SOX5: variants seen among roughly 807,000 people sequenced by gnomAD.
SOX5 encodes transcription factor SOX-5.
In SOX5, 9 loss-of-function variants were observed where a neutral mutation model predicts 92.0. The observed-to-expected ratio is 0.10, with a 90% CI of 0.06 to 0.17. The LOEUF is 0.17. Ranked by LOEUF, SOX5 falls within the 10% of genes least tolerant of loss-of-function variation. The pLI, the probability that SOX5 is intolerant of heterozygous loss-of-function variation, is 1.00. For missense variants in SOX5, 642 were observed against 944.5 expected (o/e 0.68, Z 4.20); for synonymous variants, 344 against 336.3 (o/e 1.02, Z -0.25).
chr12:23,950,850 CAGAG>C (rs756116833), upstream of SOX5: 1 of 1,534,404 alleles, frequency 6.5e-7, no homozygotes. Context: ...CACATACACA[CAGAG>C]AGAGAGACAC....
intron 14 of SOX5, among the ~76,000 whole-genome samples, chr12:23,535,585 C>CTATT (rs1160954221): frequency 3.9e-5 from 6 of 152,194 alleles, no homozygotes; most frequent in African/African-American, 1.2e-4. Flanking sequence ...CGTATGTTTA[C>CTATT]TATTTGCCCA....
chr12:24,560,087 C>T (rs1954183460), intron 1 of SOX5, among the ~76,000 whole-genome samples: 1 of 152,022 alleles, frequency 6.6e-6, no homozygotes, highest in Admixed American at 6.6e-5. Flanking sequence ...CTCAAAAAGG[C>T]TACAAAATGA....
intron 1 of SOX5, among the ~76,000 whole-genome samples, chr12:24,464,200 G>T (rs372866859): frequency 6.6e-6 from 1 of 152,098 alleles, no homozygotes; most frequent in African/African-American, 2.4e-5. Flanking sequence ...TTTATATGAT[G>T]TGTGCATGTA....
chr12:24,172,848 G>A (rs1189674479), intron 4 of SOX5, among the ~76,000 whole-genome samples: 1 of 152,192 alleles, frequency 6.6e-6, no homozygotes, highest in African/African-American at 2.4e-5. Flanking sequence ...TCAAGAGAAT[G>A]AGAAAGGTCA....
intron 1 of SOX5, among the ~76,000 whole-genome samples, chr12:24,397,942 C>T (rs189582493): frequency 0.036 from 5,496 of 152,024 alleles, 301 homozygotes; most frequent in African/African-American, 0.12. Context: ...CTCCGACTCC[C>T]GGGTTCACGC....
chr12:24,349,357 C>T (rs974495265), intron 2 of SOX5, among the ~76,000 whole-genome samples: 7 of 152,188 alleles, frequency 4.6e-5, no homozygotes, highest in Admixed American at 4.6e-4. Context: ...ATTCATATTG[C>T]TGTGCAACCA....
chr12:23,734,436 A>G lies in SOX5; in HGVS notation c.810+248T>C, dbSNP rs573014410. On this transcript the variant is annotated intron_variant, in intron 6 of 14. Coordinates refer to ENST00000451604, the MANE Select transcript of SOX5 (RefSeq NM_006940.6). ...TAGATAAAATGAAACCTTTGTCTAC[A>G]ATAATTTCTTCTCAGCATAAGATGA... 6.7e-4 allele frequency among the ~76,000 whole-genome samples: 102 copies of G among 152,298 alleles called. 1 individual carries two copies. Among genetic ancestry groups the G allele is most frequent in the Middle Eastern group, 3.4e-3 (1 of 294 alleles).
intron 3 of SOX5, among the ~76,000 whole-genome samples, chr12:23,841,868 A>G (rs1194571940): frequency 6.6e-6 from 1 of 152,096 alleles, no homozygotes; most frequent in African/African-American, 2.4e-5. Context: ...GTGGTAAATG[A>G]CAATATGCAT....
In SOX5 at chr12:23,895,445, GA is replaced by G. The variant is rs202158335; in HGVS notation, c.270+347del. On this transcript the variant is annotated intron_variant, in intron 2 of 14. Coordinates refer to ENST00000451604, the MANE Select transcript of SOX5 (RefSeq NM_006940.6). Reference sequence around the variant, plus strand: ...AACTATGTTCATTGTAACTCTACCAGAAAAAAAAACTTTTATTAGAAAAAGT... The same window carrying G: ...AACTATGTTCATTGTAACTCTACCAGAAAAAAAACTTTTATTAGAAAAAGT... 6.6e-5 allele frequency among the ~76,000 whole-genome samples: 10 copies of G among 150,530 alleles called. No homozygotes were observed. In the East Asian group the frequency reaches 7.8e-4, roughly 12 times the overall value.
At chr12:23,960,331 G>A (rs536923021) in intron 4 of SOX5, among the ~76,000 whole-genome samples, 74 of 152,026 alleles carry the variant, frequency 4.9e-4, no homozygotes, top group African/African-American at 1.7e-3. Flanking sequence ...TAGTATAAAT[G>A]TATACTGAAA....
chr12:23,600,552 T>TATATACAC (rs745640453), intron 9 of SOX5, among the ~76,000 whole-genome samples: 16 of 95,270 alleles, frequency 1.7e-4, no homozygotes, highest in Admixed American at 4.5e-4. Context: ...TATATATATA[T>TATATACAC]ACACATACTT....
chr12:23,774,671 T>C (rs2095043483), intron 3 of SOX5, among the ~76,000 whole-genome samples: 1 of 152,124 alleles, frequency 6.6e-6, no homozygotes, highest in African/African-American at 2.4e-5. Flanking sequence ...TAAAGGCAAA[T>C]GAGAAATTCT....
intron 9 of SOX5, among the ~76,000 whole-genome samples, chr12:23,594,498 G>A (rs936331944): frequency 6.6e-6 from 1 of 152,066 alleles, no homozygotes; most frequent in African/African-American, 2.4e-5. Context: ...CTAAGGGAGT[G>A]CTGTAGAAGC....
At chr12:24,309,933 A>G (rs1949006806) in intron 2 of SOX5, among the ~76,000 whole-genome samples, 1 of 152,070 alleles carries the variant, frequency 6.6e-6, no homozygotes, top group Non-Finnish European at 1.5e-5. Context: ...ATGCTTGCCA[A>G]AGCAGGTATT....
At chr12:24,376,759 T>G (rs1957324284) in intron 1 of SOX5, among the ~76,000 whole-genome samples, 1 of 132,970 alleles carries the variant, frequency 7.5e-6, no homozygotes, top group Non-Finnish European at 1.6e-5. Flanking sequence ...CAGGCTGGAG[T>G]ATAGTGGTGC....
At chr12:24,423,419 CAA>C (rs963274507) in intron 1 of SOX5, among the ~76,000 whole-genome samples, 2 of 152,136 alleles carry the variant, frequency 1.3e-5, no homozygotes, top group African/African-American at 2.4e-5. Context: ...TATACACTAT[CAA>C]AGAGTATTAA....
chr12:24,393,342 C>CT lies in SOX5; in HGVS notation c.-250-24704dup, dbSNP rs1049871865. 2.0e-5 allele frequency among the ~76,000 whole-genome samples: 3 copies of CT among 152,160 alleles called. No homozygotes were observed. The highest frequency in any genetic ancestry group is 6.5e-5 in the Admixed American group (1 of 15,272). The stretch of plus-strand genomic sequence containing the variant: ...AGCTGCTGCAAAATCATGCTGCTGA[C>CT]TTTTTGGGTTGTGGTCTTGCCATTG... On this transcript the variant is annotated intron_variant, in intron 1 of 4. Coordinates refer to the SOX5 transcript ENST00000446891. This position sits in a 1 kb window ranked among gnomAD's most constrained non-coding sequence, Gnocchi z 5.0.
intron 2 of SOX5, among the ~76,000 whole-genome samples, chr12:24,367,727 G>C (rs911000859): frequency 6.6e-6 from 1 of 152,130 alleles, no homozygotes; most frequent in African/African-American, 2.4e-5. Flanking sequence ...ATTCTCAGCA[G>C]TTATGATGTT....
At chr12:24,321,826 G>A (rs971021509) in intron 2 of SOX5, among the ~76,000 whole-genome samples, 1 of 152,128 alleles carries the variant, frequency 6.6e-6, no homozygotes, top group Admixed American at 6.5e-5. Context: ...AATTAAGCGG[G>A]GGAAAAGTTA....
Sources: allele counts gnomAD v4.1 joint callset (sites outside exome capture counted in the v4.1 genomes callset), GRCh38; gene constraint gnomAD v4.1.1; non-coding constraint Gnocchi (gnomAD v3.1); transcripts MANE v1.5; gene names NCBI Gene and HGNC (gene_info 2026-07-23, HGNC 2026-07-21).